TMEM9B: variants seen among roughly 807,000 people sequenced by gnomAD.
TMEM9B encodes TMEM9 domain family member B, also known as transmembrane protein 9B.
In TMEM9B, 8 loss-of-function variants were observed where a neutral mutation model predicts 23.5. That is an observed-to-expected ratio of 0.34 (90% CI 0.20 to 0.61). The LOEUF is 0.61. Ranked by LOEUF, TMEM9B falls within the 20% of genes least tolerant of loss-of-function variation. TMEM9B has a pLI of 0.78. For synonymous variants in TMEM9B, 106 were observed against 96.3 expected (o/e 1.10, Z -0.59); for missense variants, 197 against 252.3 (o/e 0.78, Z 1.49).
rs1030429459 is a variant in TMEM9B at position 8,948,038 on chromosome 11, A to G, written c.*282T>C. 2.8e-5 allele frequency: 7 copies of G among 254,206 alleles called. No homozygotes were observed. The highest frequency in any genetic ancestry group is 1.5e-4 in the Admixed American group (3 of 20,052). The allele number at this position is 254,206 out of a possible 1,614,324, so 15.7% of individuals were successfully genotyped here. On this transcript the variant is annotated 3_prime_UTR_variant, in exon 5 of 5. Coordinates refer to ENST00000534025, the MANE Select transcript of TMEM9B (RefSeq NM_020644.3). ...GAAAAAGAGAGTGCTTGTTCCAGGT[A>G]AAGGACTTCAAGATAATTTACAGGC...
intron 4 of TMEM9B, among the ~76,000 whole-genome samples, chr11:8,951,145 G>T (rs1384169875): frequency 2.0e-5 from 3 of 152,086 alleles, no homozygotes; most frequent in Non-Finnish European, 4.4e-5. Flanking sequence ...TGCCCTACAT[G>T]TTTTCATCTC....
chr11:8,964,375 A>G lies in TMEM9B; in HGVS notation c.-62T>C, dbSNP rs958212525. ...CGCGACCGGCTCCCGGCTCGGGCTC[A>G]GGCTCAGGCTCAGGCTCAGGCACAG... On this transcript the variant is annotated 5_prime_UTR_variant, in exon 1 of 5. Coordinates refer to ENST00000534025, the MANE Select transcript of TMEM9B (RefSeq NM_020644.3). The G allele has an allele frequency of 1.4e-5, 21 of 1,490,012 alleles. No individual in the cohort carries two copies. Among genetic ancestry groups the G allele is most frequent in the Admixed American group, 1.1e-4 (5 of 44,882 alleles). 92.3% of individuals were successfully genotyped at this position (1,490,012 alleles called of 1,614,324 possible).
rs1015312696 is a variant in TMEM9B, at chr11:8,948,297, G to T, written c.*23C>A. On this transcript the variant is annotated 3_prime_UTR_variant, in exon 5 of 5. Coordinates refer to ENST00000534025, the MANE Select transcript of TMEM9B (RefSeq NM_020644.3). ...CCAGTTGTCTGCCTGTTTCTTTCTA[G>T]TCACCTTGAATTCAATTCCCAATTA... The T allele has an allele frequency of 8.1e-6, 13 of 1,606,906 alleles. No homozygotes were observed. The highest frequency in any genetic ancestry group is 1.1e-5 in the Non-Finnish European group (13 of 1,175,770).
chr11:8,956,742 C>A (rs1203357865), intron 2 of TMEM9B, among the ~76,000 whole-genome samples: 1 of 152,086 alleles, frequency 6.6e-6, no homozygotes, highest in Non-Finnish European at 1.5e-5. Context: ...TTTTAAGAGA[C>A]AAGGTCTTGC....
intron 4 of TMEM9B, among the ~76,000 whole-genome samples, chr11:8,948,760 A>C (rs563188387): frequency 6.6e-6 from 1 of 152,332 alleles, no homozygotes; most frequent in East Asian, 1.9e-4. Context: ...GAGACCAAGC[A>C]AAAGACAGTG....
chr11:8,961,071 T>TAATATG (rs375668658), intron 2 of TMEM9B, among the ~76,000 whole-genome samples: 5,794 of 152,276 alleles, frequency 0.038, 137 homozygotes, highest in Non-Finnish European at 0.059. Context: ...TGACACCACT[T>TAATATG]ACAGTGGAAC....
At chr11:8,964,548 G>C, upstream of TMEM9B, 1 of 1,253,972 alleles carries the variant, frequency 8.0e-7, no homozygotes, top group East Asian at 3.0e-5. Flanking sequence ...CCTGGTGCCC[G>C]CCTTGGCCTA....
At chr11:8,961,111 A>G (rs1363374859) in intron 2 of TMEM9B, among the ~76,000 whole-genome samples, 1 of 152,258 alleles carries the variant, frequency 6.6e-6, no homozygotes, top group African/African-American at 2.4e-5. Flanking sequence ...TCTCAAGAAC[A>G]CACTTAACAA....
At chr11:8,963,375 T>C (rs891675799) in intron 1 of TMEM9B, among the ~76,000 whole-genome samples, 2 of 152,232 alleles carry the variant, frequency 1.3e-5, no homozygotes, top group African/African-American at 4.8e-5. Context: ...ATCATACTAA[T>C]GTGAATCCCT....
At chr11:8,963,965 T>C (rs1165355264) in intron 1 of TMEM9B, 7 of 502,864 alleles carry the variant, frequency 1.4e-5, no homozygotes, top group Admixed American at 4.3e-5. Flanking sequence ...GTCCGGACTG[T>C]GGGCACTGTC....
chr11:8,958,621 G>A (rs112246558), intron 2 of TMEM9B, among the ~76,000 whole-genome samples: 1 of 148,956 alleles, frequency 6.7e-6, no homozygotes, highest in Non-Finnish European at 1.5e-5. Flanking sequence ...TGCCCAGGCT[G>A]GAGTGCAATG....
chr11:8,958,880 C>T (rs928012117), intron 2 of TMEM9B, among the ~76,000 whole-genome samples: 1 of 152,088 alleles, frequency 6.6e-6, no homozygotes, highest in Admixed American at 6.5e-5. Context: ...CCAGGTTATT[C>T]TTAACAGGTA....
Position 8,964,333 on chromosome 11 carries a change from C to T in TMEM9B, c.-20G>A, listed in dbSNP as rs532685716. 1.2e-4 allele frequency: 182 copies of T among 1,551,780 alleles called. 1 individual carries two copies. The South Asian group carries it at 2.0e-3, about 17-fold the overall frequency. On this transcript the variant is annotated 5_prime_UTR_variant, in exon 1 of 5. Coordinates refer to ENST00000534025, the MANE Select transcript of TMEM9B (RefSeq NM_020644.3). The stretch of plus-strand genomic sequence containing the variant: ...CGCCATCGCTGGGGGCCCAGCGGTC[C>T]CACAGCCCGGAGCCCCCGCGACCGG...
At chr11:8,952,319 C>CATGTGT (rs1555228022) in intron 4 of TMEM9B, among the ~76,000 whole-genome samples, 1 of 148,762 alleles carries the variant, frequency 6.7e-6, no homozygotes, top group African/African-American at 2.5e-5. Context: ...AATGTACACA[C>CATGTGT]GTGTGTGTGT....
At chr11:8,955,312 C>A (rs868211043) in intron 3 of TMEM9B, among the ~76,000 whole-genome samples, 2 of 152,046 alleles carry the variant, frequency 1.3e-5, no homozygotes, top group African/African-American at 4.8e-5. Context: ...TCATGGAAGA[C>A]AATTTTTTCA....
intron 3 of TMEM9B, among the ~76,000 whole-genome samples, chr11:8,955,946 A>G (rs1853966671): frequency 6.6e-6 from 1 of 152,220 alleles, no homozygotes; most frequent in African/African-American, 2.4e-5. Flanking sequence ...CATGGCCTAC[A>G]CAGAAGCTGG....
At chr11:8,964,143 C>A in intron 1 of TMEM9B, 66 bp downstream of exon 1, 2 of 1,496,020 alleles carry the variant, frequency 1.3e-6, no homozygotes, top group South Asian at 1.2e-5. Flanking sequence ...GTTGGCAGAC[C>A]CAGTTTCCGC....
chr11:8,951,352 C>G (rs576370470), intron 4 of TMEM9B, among the ~76,000 whole-genome samples: 1 of 152,002 alleles, frequency 6.6e-6, no homozygotes, highest in Non-Finnish European at 1.5e-5. Context: ...TTGAATTGAA[C>G]CTTAAAACTA....
chr11:8,953,072 G>T, intron 4 of TMEM9B, 131 bp downstream of exon 4: 1 of 1,123,374 alleles, frequency 8.9e-7, no homozygotes, highest in Non-Finnish European at 1.3e-6. Flanking sequence ...AATCAGAGCT[G>T]TTTTTAGCTT....
Sources: gnomAD v4.1 joint callset for allele counts (sites outside exome capture counted in the v4.1 genomes callset) on GRCh38, gnomAD v4.1.1 for gene constraint, MANE v1.5 for transcripts, NCBI Gene and HGNC (gene_info 2026-07-23, HGNC 2026-07-21) for gene names.